Variants in NXPE2 observed in about 807,000 individuals in gnomAD.
NXPE2 encodes the protein NXPE family member 2.
A neutral mutation model predicts 34.4 loss-of-function variants in NXPE2; 34 were observed. The ratio of observed to expected loss-of-function variants is 0.99; its 90% CI spans 0.75 to 1.31. The LOEUF is 1.31. Ranked by LOEUF, NXPE2 falls within the 40% of genes most tolerant of loss-of-function variation. The pLI is 0.00. For missense variants in NXPE2, 649 were observed against 672.5 expected (o/e 0.97, Z 0.39); for synonymous variants, 235 against 231.3 (o/e 1.02, Z -0.15).
At chr11:114,558,867 C>G in the NXPE2 span, among the ~76,000 whole-genome samples, 1 of 152,106 alleles carries the variant, frequency 6.6e-6, no homozygotes, top group Non-Finnish European at 1.5e-5. Context: ...CATAAAGAAT[C>G]ACATACAAAG....
At chr11:114,744,971 C>T in the NXPE2 span, among the ~76,000 whole-genome samples, 1 of 151,944 alleles carries the variant, frequency 6.6e-6, no homozygotes, top group Non-Finnish European at 1.5e-5. Flanking sequence ...GCAGTTAATA[C>T]AAAACATTAA....
the NXPE2 span, among the ~76,000 whole-genome samples, chr11:114,617,989 C>T: frequency 6.6e-6 from 1 of 151,998 alleles, no homozygotes; most frequent in African/African-American, 2.4e-5. Flanking sequence ...TAAGTGTTGC[C>T]TCGTGGGTAA....
the NXPE2 span, among the ~76,000 whole-genome samples, chr11:114,811,341 T>C: frequency 2.3e-5 from 1 of 42,850 alleles, no homozygotes; most frequent in African/African-American, 6.6e-5. Context: ...ATAATAATAA[T>C]AAAATAAAAA....
the NXPE2 span, among the ~76,000 whole-genome samples, chr11:114,536,337 T>A: frequency 2.0e-5 from 3 of 152,084 alleles, no homozygotes; most frequent in Admixed American, 1.3e-4. Flanking sequence ...GCAGGAAAGA[T>A]GAAAAATTGA....
the NXPE2 span, among the ~76,000 whole-genome samples, chr11:114,620,824 G>C: frequency 6.6e-6 from 1 of 152,084 alleles, no homozygotes; most frequent in Non-Finnish European, 1.5e-5. Flanking sequence ...CTGTTACCCT[G>C]TGTCTAATAA....
the NXPE2 span, among the ~76,000 whole-genome samples, chr11:114,608,980 G>T: frequency 6.6e-6 from 1 of 151,838 alleles, no homozygotes; most frequent in Non-Finnish European, 1.5e-5. Context: ...TGCCTCGTGG[G>T]TAACCACTGT....
the NXPE2 span, among the ~76,000 whole-genome samples, chr11:114,757,861 G>A: frequency 6.6e-6 from 1 of 152,160 alleles, no homozygotes; most frequent in African/African-American, 2.4e-5. Flanking sequence ...AAGTGATTAA[G>A]CAGTGACATT....
chr11:114,734,622 G>A, the NXPE2 span, among the ~76,000 whole-genome samples: 12 of 152,284 alleles, frequency 7.9e-5, no homozygotes, highest in East Asian at 1.9e-3. Flanking sequence ...ATGAAAATTA[G>A]CATGACTTCT....
intron 2 of NXPE2, among the ~76,000 whole-genome samples, chr11:114,689,362 A>G (rs1951108369): frequency 6.6e-6 from 1 of 151,910 alleles, no homozygotes; most frequent in Non-Finnish European, 1.5e-5. Flanking sequence ...TTCAGGAGAA[A>G]GTTGTTTAGT....
chr11:114,620,350 A>T, the NXPE2 span, among the ~76,000 whole-genome samples: 3 of 151,150 alleles, frequency 2.0e-5, no homozygotes, highest in Admixed American at 2.0e-4. Context: ...ACTGGTAACC[A>T]CTGTTACCGG....
At chr11:114,745,632 C>G in the NXPE2 span, among the ~76,000 whole-genome samples, 1 of 151,972 alleles carries the variant, frequency 6.6e-6, no homozygotes, top group Non-Finnish European at 1.5e-5. Context: ...ATGTTTCTTT[C>G]AAGAAAAATT....
the NXPE2 span, among the ~76,000 whole-genome samples, chr11:114,635,576 A>T: frequency 1.3e-5 from 2 of 152,112 alleles, no homozygotes; most frequent in South Asian, 2.1e-4. Flanking sequence ...GTTTTTGCCC[A>T]TTCAGTATGA....
rs1268631212 is a variant in NXPE2, at chr11:114,705,707, C to A, written c.929-74C>A. The A allele has an allele frequency of 1.3e-5, 12 of 942,390 alleles. No homozygotes were observed. The African/African-American group carries it at 1.6e-4, about 12-fold the overall frequency. The allele number at this position is 942,390 out of a possible 1,614,324, so 58.4% of individuals were successfully genotyped here. On this transcript the variant is annotated intron_variant, in intron 4 of 5. Transcript: ENST00000389586. The stretch of plus-strand genomic sequence containing the variant: ...GGGAGGAAAAAGAGGAAAAGGAAGG[C>A]AAAAATGAGAAACATTTTTCCAAAA...
the NXPE2 span, among the ~76,000 whole-genome samples, chr11:114,766,983 G>GA: frequency 0.077 from 11,383 of 148,670 alleles, 432 homozygotes; most frequent in Middle Eastern, 0.14. Flanking sequence ...TGAAATTTCT[G>GA]AAAAAAAAAA....
chr11:114,638,653 C>T, the NXPE2 span, among the ~76,000 whole-genome samples: 1 of 152,006 alleles, frequency 6.6e-6, no homozygotes, highest in African/African-American at 2.4e-5. Flanking sequence ...GTGTGGATGT[C>T]CTTTCTGTTT....
chr11:114,612,525 C>G, the NXPE2 span, among the ~76,000 whole-genome samples: 4 of 151,874 alleles, frequency 2.6e-5, no homozygotes, highest in South Asian at 6.2e-4. Flanking sequence ...GGGGTAACCA[C>G]TGTTACCCTG....
the NXPE2 span, among the ~76,000 whole-genome samples, chr11:114,619,415 G>A: frequency 1.3e-5 from 2 of 151,978 alleles, no homozygotes; most frequent in East Asian, 1.9e-4. Context: ...GATAAGTGTT[G>A]CCTCGTGGGT....
the NXPE2 span, among the ~76,000 whole-genome samples, chr11:114,486,022 C>T: frequency 1.3e-5 from 2 of 152,126 alleles, no homozygotes; most frequent in Admixed American, 1.3e-4. Context: ...AGTGGAATTG[C>T]TGGATTGTAT....
chr11:114,726,388 T>C, the NXPE2 span, among the ~76,000 whole-genome samples: 4 of 152,058 alleles, frequency 2.6e-5, no homozygotes, highest in African/African-American at 7.2e-5. Context: ...TTCTTGAACT[T>C]ATAAATTTAT....
Sources: allele counts gnomAD v4.1 joint callset (sites outside exome capture counted in the v4.1 genomes callset), GRCh38; gene constraint gnomAD v4.1.1; transcripts MANE v1.5; gene names NCBI Gene and HGNC (gene_info 2026-07-23, HGNC 2026-07-21).